The following IGF2BP3 variants were observed in gnomAD, a reference collection of about 807,000 sequenced individuals.
IGF2BP3 encodes insulin-like growth factor 2 mRNA-binding protein 3.
In IGF2BP3, 9 loss-of-function variants were observed where a neutral mutation model predicts 73.8. That is an observed-to-expected ratio of 0.12 (90% CI 0.07 to 0.21). IGF2BP3 has a LOEUF of 0.21. Among genes scored for constraint, IGF2BP3 ranks in the 10% least tolerant of loss-of-function variants. The pLI is 1.00. For missense variants in IGF2BP3, 542 were observed against 714.0 expected (o/e 0.76, Z 2.75); for synonymous variants, 258 against 256.7 (o/e 1.01, Z -0.05).
At chr7:23,451,892 G>A (rs1487969143) in intron 2 of IGF2BP3, among the ~76,000 whole-genome samples, 2 of 148,476 alleles carry the variant, frequency 1.3e-5, no homozygotes, top group Non-Finnish European at 3.0e-5. Context: ...AGGCTGCAGT[G>A]AGCCAAGATT....
At chr7:23,394,322 C>A (rs184616416) in intron 3 of IGF2BP3, among the ~76,000 whole-genome samples, 1,619 of 152,228 alleles carry the variant, frequency 0.011, 15 homozygotes, top group Non-Finnish European at 0.014. Flanking sequence ...CAAAATTTAG[C>A]CAGGTGTGGT....
chr7:23,383,950 G>C (rs1785997101), intron 3 of IGF2BP3, among the ~76,000 whole-genome samples: 1 of 151,876 alleles, frequency 6.6e-6, no homozygotes, highest in Non-Finnish European at 1.5e-5. Flanking sequence ...CAAAAACTTA[G>C]TCGGGCGTGG....
intron 2 of IGF2BP3, among the ~76,000 whole-genome samples, chr7:23,428,803 CCAAAGA>C (rs199994509): frequency 0.017 from 2,521 of 150,354 alleles, 27 homozygotes; most frequent in Non-Finnish European, 0.026. Context: ...CTGACATTGC[CCAAAGA>C]CAATCAAATA....
intron 3 of IGF2BP3, among the ~76,000 whole-genome samples, chr7:23,415,748 G>T (rs1787172104): frequency 6.6e-6 from 1 of 152,224 alleles, no homozygotes; most frequent in Non-Finnish European, 1.5e-5. Flanking sequence ...AAGTCTCTAG[G>T]ATCCAAAACC....
chr7:23,383,027 A>G (rs977032427), intron 3 of IGF2BP3, among the ~76,000 whole-genome samples: 2 of 151,892 alleles, frequency 1.3e-5, no homozygotes, highest in East Asian at 3.9e-4. Flanking sequence ...TGATGGCGCC[A>G]TTGCACTCCA....
intron 3 of IGF2BP3, among the ~76,000 whole-genome samples, chr7:23,389,704 A>G (rs1272992637): frequency 6.6e-6 from 1 of 152,062 alleles, no homozygotes; most frequent in Non-Finnish European, 1.5e-5. Context: ...GTCAAAAATA[A>G]ATGGTCAGGC....
intron 3 of IGF2BP3, among the ~76,000 whole-genome samples, chr7:23,393,086 C>T (rs1417353743): frequency 6.6e-6 from 1 of 152,134 alleles, no homozygotes; most frequent in South Asian, 2.1e-4. Flanking sequence ...TTGGAATTAA[C>T]CCACCTTTGC....
intron 2 of IGF2BP3, among the ~76,000 whole-genome samples, chr7:23,432,893 A>C (rs1787721425): frequency 6.6e-6 from 1 of 152,190 alleles, no homozygotes. Flanking sequence ...CGGCCTACCA[A>C]ACTGCTAGGA....
Position 23,448,847 on chromosome 7 carries a change from G to A in IGF2BP3, c.236+19635C>T, listed in dbSNP as rs139875916. 5.2e-3 allele frequency among the ~76,000 whole-genome samples: 798 copies of A among 152,082 alleles called. 1 individual carries two copies. The highest frequency in any genetic ancestry group is 0.027 in the Middle Eastern group (8 of 294). On this transcript the variant is annotated intron_variant, in intron 2 of 14. Coordinates refer to ENST00000258729, the MANE Select transcript of IGF2BP3 (RefSeq NM_006547.3). Reference sequence around the variant, plus strand: ...GGGTTTCACCATGTTGGTCAAGCTGGTCTCGATCTCCTGACCTAAAGTGAT... The same window carrying A: ...GGGTTTCACCATGTTGGTCAAGCTGATCTCGATCTCCTGACCTAAAGTGAT...
chr7:23,462,418 GT>G (rs1788470619), intron 2 of IGF2BP3, among the ~76,000 whole-genome samples: 1 of 150,004 alleles, frequency 6.7e-6, no homozygotes, highest in Admixed American at 6.7e-5. Context: ...CTGGAGTGCA[GT>G]AGCGCGATCT....
At chr7:23,368,232 G>A (rs1295202693) in intron 3 of IGF2BP3, among the ~76,000 whole-genome samples, 1 of 151,794 alleles carries the variant, frequency 6.6e-6, no homozygotes, top group African/African-American at 2.4e-5. Context: ...ATAAAAGGGA[G>A]GTACTTATAC....
intron 3 of IGF2BP3, among the ~76,000 whole-genome samples, chr7:23,369,211 A>G (rs562718378): frequency 2.0e-5 from 3 of 152,256 alleles, no homozygotes; most frequent in Admixed American, 6.5e-5. Context: ...TGAACCACGC[A>G]TGCAACCACA....
chr7:23,449,464 C>T (rs1788143326), intron 2 of IGF2BP3, among the ~76,000 whole-genome samples: 1 of 151,938 alleles, frequency 6.6e-6, no homozygotes, highest in East Asian at 1.9e-4. Context: ...TTGCAGTGAG[C>T]CGAGATAGCG....
Position 23,423,734 on chromosome 7 carries a change from G to T in IGF2BP3, c.237-4910C>A, listed in dbSNP as rs562258650. The stretch of plus-strand genomic sequence containing the variant: ...AATGATTTCCTTATAGCTTATAAAG[G>T]GACCGAGAAAAACAACTGCCACACA... On this transcript the variant is annotated intron_variant, in intron 2 of 14. Coordinates refer to ENST00000258729, the MANE Select transcript of IGF2BP3 (RefSeq NM_006547.3). 7.3e-5 allele frequency among the ~76,000 whole-genome samples: 11 copies of T among 151,630 alleles called. No homozygotes were observed. In the South Asian group the frequency reaches 2.3e-3, roughly 32 times the overall value.
At chr7:23,335,981 G>A (rs1784563576) in intron 10 of IGF2BP3, among the ~76,000 whole-genome samples, 1 of 152,162 alleles carries the variant, frequency 6.6e-6, no homozygotes, top group Non-Finnish European at 1.5e-5. Flanking sequence ...CAACTCTTTG[G>A]CTCTGGGGAG....
At position 23,311,042 on chromosome 7, in the gene IGF2BP3, C is replaced by T. The variant is rs1783813482; in HGVS notation, c.*1320G>A. 6.6e-6 allele frequency: 1 copy of T among 151,774 alleles called. No individual in the cohort carries two copies. The highest frequency in any genetic ancestry group is 1.9e-4 in the East Asian group (1 of 5,176). 9.4% of individuals were successfully genotyped at this position (151,774 alleles called of 1,614,324 possible). The stretch of plus-strand genomic sequence containing the variant: ...TTTTCTTGTATTCTCTATCTTTTGA[C>T]TTTTTTTTCAAAGAACTGATTGCAC... On this transcript the variant is annotated 3_prime_UTR_variant, in exon 15 of 15. Transcript: ENST00000258729.
chr7:23,411,981 TC>T (rs1297382854), intron 3 of IGF2BP3, among the ~76,000 whole-genome samples: 39 of 148,270 alleles, frequency 2.6e-4, no homozygotes, highest in African/African-American at 9.8e-4. Context: ...CCCACTTATT[TC>T]TCTTTTTTTT....
chr7:23,377,388 T>C (rs550698101), intron 3 of IGF2BP3, among the ~76,000 whole-genome samples: 59 of 152,330 alleles, frequency 3.9e-4, no homozygotes, highest in African/African-American at 1.4e-3. Flanking sequence ...TCGACATCAT[T>C]AGTCAGTAGG....
At chr7:23,448,712 C>G (rs1788123884) in intron 2 of IGF2BP3, among the ~76,000 whole-genome samples, 2 of 152,206 alleles carry the variant, frequency 1.3e-5, no homozygotes, top group Admixed American at 1.3e-4. Context: ...CTCAGTGCAG[C>G]CTCCACCTCC....
Sources: allele counts gnomAD v4.1 joint callset (sites outside exome capture counted in the v4.1 genomes callset), GRCh38; gene constraint gnomAD v4.1.1; transcripts MANE v1.5; gene names NCBI Gene and HGNC (gene_info 2026-07-23, HGNC 2026-07-21).